PELI1: variants seen among roughly 807,000 people sequenced by gnomAD.
The protein encoded by PELI1 is pellino E3 ubiquitin protein ligase 1.
Under a neutral mutation model 41.3 loss-of-function variants are expected in PELI1, and 15 were observed. The ratio of observed to expected loss-of-function variants is 0.36; its 90% CI spans 0.24 to 0.56. PELI1 has a LOEUF of 0.56. Among genes scored for constraint, PELI1 ranks in the 20% least tolerant of loss-of-function variants. The probability of loss-of-function intolerance (pLI) is 0.82; values close to 1 mark genes in which losing one functional copy is unlikely to be tolerated. For synonymous variants in PELI1, 178 were observed against 180.1 expected (o/e 0.99, Z 0.09); for missense variants, 403 against 525.5 (o/e 0.77, Z 2.28).
chr2:64,124,260 C>T (rs1403471878), intron 1 of PELI1, among the ~76,000 whole-genome samples: 2 of 152,072 alleles, frequency 1.3e-5, no homozygotes, highest in African/African-American at 4.8e-5. Flanking sequence ...ATACTAAAAA[C>T]CACTGAAGTG....
chr2:64,113,278 G>C (rs80169200), intron 1 of PELI1, among the ~76,000 whole-genome samples: 6,150 of 146,104 alleles, frequency 0.042, 139 homozygotes, highest in African/African-American at 0.075. Flanking sequence ...GTGACGGAGA[G>C]AAACTCTGTC....
At chr2:64,125,953 T>C (rs1419364510) in intron 1 of PELI1, among the ~76,000 whole-genome samples, 3 of 152,244 alleles carry the variant, frequency 2.0e-5, no homozygotes, top group Non-Finnish European at 4.4e-5. Flanking sequence ...ATGAATTTTA[T>C]GGGTCCCATC....
intron 1 of PELI1, among the ~76,000 whole-genome samples, chr2:64,119,338 G>A (rs1194466542): frequency 6.6e-6 from 1 of 152,132 alleles, no homozygotes; most frequent in Non-Finnish European, 1.5e-5. Flanking sequence ...CTGAAGCATT[G>A]ACAATGTGAC....
At chr2:64,121,718 C>T (rs1681218277) in intron 1 of PELI1, among the ~76,000 whole-genome samples, 1 of 152,054 alleles carries the variant, frequency 6.6e-6, no homozygotes, top group South Asian at 2.1e-4. Flanking sequence ...CCAGCCTGGC[C>T]AACATGGAGA....
At chr2:64,125,748 A>C (rs1280657084) in intron 1 of PELI1, among the ~76,000 whole-genome samples, 2 of 152,248 alleles carry the variant, frequency 1.3e-5, no homozygotes, top group Non-Finnish European at 1.5e-5. Context: ...AGAAGTACCT[A>C]GATTAGTACA....
chr2:64,117,343 C>T (rs1008615811), intron 1 of PELI1, among the ~76,000 whole-genome samples: 8 of 149,556 alleles, frequency 5.3e-5, no homozygotes, highest in Non-Finnish European at 1.2e-4. Context: ...GAAGTAAGTT[C>T]TATTTTTTTT....
chr2:64,101,872 G>GGTTGCA (rs1315363399), intron 3 of PELI1, among the ~76,000 whole-genome samples: 1 of 142,570 alleles, frequency 7.0e-6, no homozygotes, highest in Non-Finnish European at 1.5e-5. Context: ...CTGTCGCCTA[G>GGTTGCA]GTTGCAGTGC....
chr2:64,101,201 C>T (rs1680418177), intron 3 of PELI1, among the ~76,000 whole-genome samples: 1 of 152,012 alleles, frequency 6.6e-6, no homozygotes, highest in Non-Finnish European at 1.5e-5. Flanking sequence ...AAAGTTCACT[C>T]ATAAGCCAAG....
intron 1 of PELI1, among the ~76,000 whole-genome samples, chr2:64,136,009 C>T (rs994497325): frequency 2.0e-5 from 3 of 152,204 alleles, no homozygotes; most frequent in African/African-American, 7.2e-5. Context: ...CCTTCTCTTG[C>T]TGCCTTCCCT....
At chr2:64,129,240 T>C (rs1010269273) in intron 1 of PELI1, among the ~76,000 whole-genome samples, 1 of 152,158 alleles carries the variant, frequency 6.6e-6, no homozygotes, top group Non-Finnish European at 1.5e-5. Context: ...TTCAACATTG[T>C]GTGGGTGGAG....
chr2:64,097,774 C>T (rs960219499), intron 4 of PELI1, among the ~76,000 whole-genome samples: 6 of 152,188 alleles, frequency 3.9e-5, no homozygotes, highest in East Asian at 3.8e-4. Context: ...TTCCTCATAT[C>T]GGCACACTTT....
At chr2:64,117,311 T>C (rs1174401198) in intron 1 of PELI1, among the ~76,000 whole-genome samples, 1 of 152,188 alleles carries the variant, frequency 6.6e-6, no homozygotes, top group African/African-American at 2.4e-5. Flanking sequence ...ATCTGTTCTT[T>C]GTAGATAACT....
chr2:64,117,758 G>C (rs1273145846), intron 1 of PELI1, among the ~76,000 whole-genome samples: 2 of 151,882 alleles, frequency 1.3e-5, no homozygotes, highest in Non-Finnish European at 2.9e-5. Context: ...GTCACAAAAA[G>C]TTTTCAAAAG....
At position 64,096,461 on chromosome 2, in the gene PELI1, T is replaced by C; in HGVS notation, c.453A>G (p.Ala151=). ...IICERNPPFT[A]RIYAAGFDSS... ...AGTCAAATCCTGCAGCATAAATCCGTGCTGTAAAGGGAGGATTCCGTTCAC... is the reference window on the plus strand; with the variant it reads ...AGTCAAATCCTGCAGCATAAATCCGCGCTGTAAAGGGAGGATTCCGTTCAC... The change falls in exon 5 of 7, where the codon GCA becomes GCG. Residue 151 remains alanine, a synonymous_variant. Transcript: ENST00000358912. The C allele has an allele frequency of 6.2e-7, 1 of 1,613,852 alleles. No individual in the cohort carries two copies. Among genetic ancestry groups the C allele is most frequent in the South Asian group, 1.1e-5 (1 of 91,076 alleles).
At chr2:64,128,401 CATGAT>C (rs1192368900) in intron 1 of PELI1, among the ~76,000 whole-genome samples, 2 of 152,080 alleles carry the variant, frequency 1.3e-5, no homozygotes, top group African/African-American at 4.8e-5. Context: ...TAAAGTTACA[CATGAT>C]ATATTTTTCT....
chr2:64,129,450 T>G (rs1402718594), intron 1 of PELI1, among the ~76,000 whole-genome samples: 1 of 152,208 alleles, frequency 6.6e-6, no homozygotes, highest in Non-Finnish European at 1.5e-5. Flanking sequence ...CTGTATTTGT[T>G]TAAACTAATT....
chr2:64,132,486 G>A (rs1681588064), intron 1 of PELI1, among the ~76,000 whole-genome samples: 1 of 152,180 alleles, frequency 6.6e-6, no homozygotes, highest in African/African-American at 2.4e-5. Context: ...TGAGTCAACT[G>A]TCCAAGGCAA....
At chr2:64,097,747 C>T (rs1380811522) in intron 4 of PELI1, among the ~76,000 whole-genome samples, 2 of 152,158 alleles carry the variant, frequency 1.3e-5, no homozygotes, top group Non-Finnish European at 2.9e-5. Context: ...TCATTCTTTA[C>T]ATATTTTAGC....
intron 1 of PELI1, among the ~76,000 whole-genome samples, chr2:64,115,123 AT>A (rs772421072): frequency 6.6e-6 from 1 of 152,210 alleles, no homozygotes; most frequent in Non-Finnish European, 1.5e-5. Context: ...GCAATTAATG[AT>A]TAATGTTTCT....
Sources: allele counts gnomAD v4.1 joint callset (sites outside exome capture counted in the v4.1 genomes callset), GRCh38; gene constraint gnomAD v4.1.1; transcripts MANE v1.5; gene names NCBI Gene and HGNC (gene_info 2026-07-23, HGNC 2026-07-21).